SLIT3: variants seen among roughly 807,000 people sequenced by gnomAD.
SLIT3 encodes the protein slit homolog 3 protein.
A neutral mutation model predicts 184.0 loss-of-function variants in SLIT3; 68 were observed. That is an observed-to-expected ratio of 0.37 (90% confidence interval 0.30 to 0.45). SLIT3 has a LOEUF of 0.45. Ranked by LOEUF, SLIT3 falls within the 20% of genes least tolerant of loss-of-function variation. The probability of loss-of-function intolerance (pLI) is 1.00; values close to 1 mark genes in which losing one functional copy is unlikely to be tolerated. For synonymous variants in SLIT3, 831 were observed against 828.6 expected, an observed-to-expected ratio of 1.00 and a Z score of -0.05; for missense variants, 1,707 against 2,026.0, an observed-to-expected ratio of 0.84 and a Z score of 3.02.
rs114165418 is a variant in SLIT3, at chr5:168,777,374, G to A, written c.1152-2996C>T. ...CCCAATTGTAGCAATTGGTTCTAGC[G>A]CATATTAGGCACTAGACAAGGACGA... is the stretch of plus-strand genomic sequence containing the variant. On this transcript the variant is annotated intron_variant, in intron 12 of 35. Coordinates refer to ENST00000519560, the MANE Select transcript of SLIT3 (RefSeq NM_003062.4). 3.4e-3 allele frequency among the ~76,000 whole-genome samples: 511 copies of A among 152,264 alleles called. 4 individuals are homozygous for A. Among genetic ancestry groups the A allele is most frequent in the African/African-American group, 0.011 (471 of 41,542 alleles).
At chr5:169,103,843 G>A (rs1161648078) in intron 4 of SLIT3, among the ~76,000 whole-genome samples, 2 of 152,182 alleles carry the variant, frequency 1.3e-5, no homozygotes, top group Non-Finnish European at 2.9e-5. Context: ...TCTCACCAGT[G>A]GGAAGGGCAG....
intron 4 of SLIT3, among the ~76,000 whole-genome samples, chr5:168,890,071 G>A (rs935050358): frequency 4.0e-5 from 6 of 151,002 alleles, no homozygotes; most frequent in South Asian, 2.1e-4. Context: ...ACCCGGGAGC[G>A]GGAGGTTGCA....
chr5:169,178,595 G>A (rs297872), intron 4 of SLIT3, among the ~76,000 whole-genome samples: 2 of 151,984 alleles, frequency 1.3e-5, no homozygotes, highest in Admixed American at 6.6e-5. Context: ...ACACACACAC[G>A]ATTCTTATTT....
chr5:168,757,675 T>C (rs1026237267), intron 16 of SLIT3, among the ~76,000 whole-genome samples: 1 of 152,214 alleles, frequency 6.6e-6, no homozygotes, highest in African/African-American at 2.4e-5. Flanking sequence ...GACCTTGTGA[T>C]CCGCCTGGCT....
chr5:168,872,640 C>CTTTTTTTTTTTTTTTTTTTTTTTTTTTT (rs774066150), intron 5 of SLIT3, among the ~76,000 whole-genome samples: 1 of 112,430 alleles, frequency 8.9e-6, no homozygotes, highest in Non-Finnish European at 1.8e-5. Context: ...TCTTCTTCTT[C>CTTTTTTTTTTTTTTTTTTTTTTTTTTTT]TTTTTTTTTT....
chr5:168,707,922 G>A (rs1762425089), intron 26 of SLIT3, 54 bp downstream of exon 26: 3 of 1,609,636 alleles, frequency 1.9e-6, no homozygotes, highest in Non-Finnish European at 2.5e-6. Flanking sequence ...CTAGGGCCAG[G>A]GCTGAAGGAG....
intron 4 of SLIT3, among the ~76,000 whole-genome samples, chr5:168,932,979 T>C (rs558884241): frequency 5.3e-5 from 8 of 152,290 alleles, no homozygotes; most frequent in African/African-American, 1.9e-4. Context: ...GCTTTCCACA[T>C]GAATAATACT....
chr5:168,817,075 C>A (rs991878110), intron 8 of SLIT3, among the ~76,000 whole-genome samples: 1 of 152,174 alleles, frequency 6.6e-6, no homozygotes, highest in African/African-American at 2.4e-5. Context: ...TTCATGAATT[C>A]TTTTAGCATT....
intron 6 of SLIT3, among the ~76,000 whole-genome samples, chr5:168,824,941 C>T (rs1405981993): frequency 1.3e-5 from 2 of 152,214 alleles, no homozygotes; most frequent in Non-Finnish European, 2.9e-5. Flanking sequence ...CATACGTCTG[C>T]AAAGGCAGGA....
chr5:169,227,702 A>T, intron 3 of SLIT3, among the ~76,000 whole-genome samples: 1 of 152,210 alleles, frequency 6.6e-6, no homozygotes, highest in South Asian at 2.1e-4. Context: ...CTGGGATTAC[A>T]AGCACGTGCC....
Position 169,287,816 on chromosome 5 carries a change from G to C in SLIT3, c.197+12697C>G, listed in dbSNP as rs539277497. On this transcript the variant is annotated intron_variant, in intron 1 of 35. Coordinates refer to ENST00000519560, the MANE Select transcript of SLIT3 (RefSeq NM_003062.4). ...CAAGTCTTGCATTCCAAAGGACCTG[G>C]TGAATGCTGCCTGAGAACCTGCCTC... Among the ~76,000 whole-genome samples, 14 of 152,268 alleles carry C rather than the reference G, an allele frequency of 9.2e-5. No homozygotes were observed. In the East Asian group the frequency reaches 2.7e-3, roughly 29 times the overall value.
intron 26 of SLIT3, among the ~76,000 whole-genome samples, chr5:168,702,313 AC>A (rs1425148141): frequency 6.6e-6 from 1 of 152,234 alleles, no homozygotes; most frequent in African/African-American, 2.4e-5. Flanking sequence ...TTGTTATTAC[AC>A]TATTTTTACA....
At chr5:169,032,599 G>A (rs540360095) in intron 4 of SLIT3, among the ~76,000 whole-genome samples, 42 of 110,450 alleles carry the variant, frequency 3.8e-4, no homozygotes, top group African/African-American at 1.2e-3. Context: ...TTTTAGTTTC[G>A]TTTTTTTTTT....
chr5:168,710,112 A>T (rs1352701874), intron 25 of SLIT3: 1 of 152,224 alleles, frequency 6.6e-6, no homozygotes, highest in African/African-American at 2.4e-5. Flanking sequence ...CGAAAGATTC[A>T]AAACCAGAAA....
intron 4 of SLIT3, among the ~76,000 whole-genome samples, chr5:169,084,354 GATCTC>G (rs1478038292): frequency 6.7e-6 from 1 of 149,900 alleles, no homozygotes; most frequent in African/African-American, 2.5e-5. Flanking sequence ...GCGCGATCGT[GATCTC>G]AGCTCACTGC....
chr5:168,989,249 CA>C (rs1228671841), intron 4 of SLIT3, among the ~76,000 whole-genome samples: 1 of 152,152 alleles, frequency 6.6e-6, no homozygotes, highest in Non-Finnish European at 1.5e-5. Flanking sequence ...TCCCACAAAA[CA>C]AAATTCTTAT....
chr5:168,768,125 G>A (rs750093487), intron 14 of SLIT3: 7 of 487,570 alleles, frequency 1.4e-5, no homozygotes, highest in African/African-American at 1.2e-4. Context: ...CAGCGGTGGT[G>A]GCGGCGGTGG....
intron 4 of SLIT3, among the ~76,000 whole-genome samples, chr5:169,055,770 G>T (rs1437657200): frequency 6.6e-6 from 1 of 151,736 alleles, no homozygotes; most frequent in African/African-American, 2.4e-5. Flanking sequence ...GGCGGTGGTT[G>T]CAGTGAGCCA....
intron 4 of SLIT3, among the ~76,000 whole-genome samples, chr5:169,077,632 T>A (rs1758798003): frequency 6.6e-6 from 1 of 152,228 alleles, no homozygotes. Flanking sequence ...CTGATCAACA[T>A]TAGGCTATTA....
Sources: gnomAD v4.1 joint callset for allele counts (sites outside exome capture counted in the v4.1 genomes callset) on GRCh38, gnomAD v4.1.1 for gene constraint, MANE v1.5 for transcripts, NCBI Gene and HGNC (gene_info 2026-07-23, HGNC 2026-07-21) for gene names.